UNC5C: variants seen among roughly 807,000 people sequenced by gnomAD.
UNC5C encodes the protein unc-5 netrin receptor C, also known as netrin receptor UNC5C.
Under a neutral mutation model 99.8 loss-of-function variants are expected in UNC5C, and 47 were observed. The ratio of observed to expected loss-of-function variants is 0.47; its 90% CI spans 0.37 to 0.60. The LOEUF is 0.60. Ranked by LOEUF, UNC5C falls within the 20% of genes least tolerant of loss-of-function variation. UNC5C has a pLI of 0.00. For synonymous variants in UNC5C, 487 were observed against 452.2 expected, an observed-to-expected ratio of 1.08 and a Z score of -0.98; for missense variants, 1,062 against 1,165.9, an observed-to-expected ratio of 0.91 and a Z score of 1.30.
chr4:95,189,456 T>G (rs116724448), intron 12 of UNC5C, among the ~76,000 whole-genome samples: 7,354 of 152,168 alleles, frequency 0.048, 323 homozygotes, highest in African/African-American at 0.11. Flanking sequence ...TGGCTACTTT[T>G]AAAGCAATGG....
chr4:95,378,873 A>AG (rs1744980214), intron 1 of UNC5C, among the ~76,000 whole-genome samples: 1 of 152,190 alleles, frequency 6.6e-6, no homozygotes, highest in South Asian at 2.1e-4. Context: ...AAATGTGTCT[A>AG]GAAAAAACAC....
At chr4:95,312,587 A>G (rs1466139902) in intron 2 of UNC5C, among the ~76,000 whole-genome samples, 1 of 152,180 alleles carries the variant, frequency 6.6e-6, no homozygotes, top group Admixed American at 6.5e-5. Context: ...CAGAATCTAA[A>G]CAATTGTTCA....
At chr4:95,182,123 A>G (rs1736635270) in intron 14 of UNC5C, among the ~76,000 whole-genome samples, 1 of 152,180 alleles carries the variant, frequency 6.6e-6, no homozygotes, top group East Asian at 1.9e-4. Flanking sequence ...CCAAGGTAAC[A>G]GATAAGGAAG....
chr4:95,260,041 C>T (rs989214686), intron 4 of UNC5C, among the ~76,000 whole-genome samples: 3 of 152,146 alleles, frequency 2.0e-5, no homozygotes, highest in African/African-American at 7.2e-5. Flanking sequence ...GCCACCTCTG[C>T]TTTCCCTACC....
At chr4:95,473,671 A>G (rs2149475245) in intron 1 of UNC5C, among the ~76,000 whole-genome samples, 1 of 152,266 alleles carries the variant, frequency 6.6e-6, no homozygotes, top group African/African-American at 2.4e-5. Flanking sequence ...TTTATTAGAG[A>G]TGGTCACACA....
At chr4:95,379,740 G>A (rs1745006726) in intron 1 of UNC5C, among the ~76,000 whole-genome samples, 1 of 152,144 alleles carries the variant, frequency 6.6e-6, no homozygotes, top group Non-Finnish European at 1.5e-5. Flanking sequence ...TCACATGGTG[G>A]TAGATCAGCT....
chr4:95,483,713 G>C (rs1043247702), intron 1 of UNC5C, among the ~76,000 whole-genome samples: 2 of 151,766 alleles, frequency 1.3e-5, no homozygotes, highest in East Asian at 2.0e-4. Context: ...TAATAGAGTA[G>C]CTGTTCCCCA....
intron 7 of UNC5C, among the ~76,000 whole-genome samples, chr4:95,230,700 T>A (rs1649100850): frequency 6.6e-6 from 1 of 151,882 alleles, no homozygotes; most frequent in South Asian, 2.1e-4. Context: ...TAGGGCATCC[T>A]TTGCCTATTT....
chr4:95,417,860 A>C (rs1256886855), intron 1 of UNC5C, among the ~76,000 whole-genome samples: 1 of 152,214 alleles, frequency 6.6e-6, no homozygotes, highest in Non-Finnish European at 1.5e-5. Flanking sequence ...AAACAACTAT[A>C]TATGAACACA....
chr4:95,412,091 C>T (rs1306651655), intron 1 of UNC5C, among the ~76,000 whole-genome samples: 3 of 151,682 alleles, frequency 2.0e-5, no homozygotes, highest in Non-Finnish European at 4.4e-5. Context: ...GGCATAGTGT[C>T]CTGCGTGAGC....
At chr4:95,427,712 C>T (rs1482610948) in intron 1 of UNC5C, among the ~76,000 whole-genome samples, 1 of 152,132 alleles carries the variant, frequency 6.6e-6, no homozygotes, top group Non-Finnish European at 1.5e-5. Flanking sequence ...TTTATATGCA[C>T]TGGGAAACCA....
intron 2 of UNC5C, among the ~76,000 whole-genome samples, chr4:95,310,306 GA>G (rs982138357): frequency 6.6e-6 from 1 of 152,054 alleles, no homozygotes; most frequent in Non-Finnish European, 1.5e-5. Flanking sequence ...GGGTGACTGG[GA>G]AAATGTTGGT....
chr4:95,430,691 C>A (rs1746612113), intron 1 of UNC5C, among the ~76,000 whole-genome samples: 1 of 152,130 alleles, frequency 6.6e-6, no homozygotes, highest in Non-Finnish European at 1.5e-5. Flanking sequence ...ATTCCTCTTG[C>A]ATGTTACTTC....
At chr4:95,530,485 A>G (rs570120218) in intron 1 of UNC5C, among the ~76,000 whole-genome samples, 1 of 152,240 alleles carries the variant, frequency 6.6e-6, no homozygotes, top group Non-Finnish European at 1.5e-5. Flanking sequence ...TCATTTAAAA[A>G]TGCAAAACAC....
chr4:95,542,725 C>T (rs1424269451), intron 1 of UNC5C, among the ~76,000 whole-genome samples: 3 of 151,906 alleles, frequency 2.0e-5, no homozygotes, highest in African/African-American at 7.2e-5. Flanking sequence ...CATAAAGAGT[C>T]CAAATATCTG....
intron 1 of UNC5C, among the ~76,000 whole-genome samples, chr4:95,337,550 C>T (rs910577685): frequency 2.0e-5 from 3 of 151,788 alleles, no homozygotes; most frequent in African/African-American, 7.3e-5. Context: ...GCAAAAAAGT[C>T]ACACATTTTC....
At chr4:95,405,937 T>C (rs1285971192) in intron 1 of UNC5C, among the ~76,000 whole-genome samples, 1 of 152,242 alleles carries the variant, frequency 6.6e-6, no homozygotes, top group Non-Finnish European at 1.5e-5. Flanking sequence ...TCAACTGTCA[T>C]CAATAGGTTA....
chr4:95,545,552 T>A (rs1216558348), intron 1 of UNC5C, among the ~76,000 whole-genome samples: 9 of 147,680 alleles, frequency 6.1e-5, no homozygotes, highest in Non-Finnish European at 1.1e-4. Context: ...ATATGTTATT[T>A]AAAAAAAAAA....
chr4:95,510,888 A>G (rs1481002379), intron 1 of UNC5C, among the ~76,000 whole-genome samples: 1 of 152,172 alleles, frequency 6.6e-6, no homozygotes, highest in Non-Finnish European at 1.5e-5. Flanking sequence ...TGGGCAGAAC[A>G]GGATCCACAT....
Sources: gnomAD v4.1 joint callset for allele counts (sites outside exome capture counted in the v4.1 genomes callset) on GRCh38, gnomAD v4.1.1 for gene constraint, MANE v1.5 for transcripts, NCBI Gene and HGNC (gene_info 2026-07-23, HGNC 2026-07-21) for gene names.